The following KCNH5 variants were observed in gnomAD, a reference collection of about 807,000 sequenced individuals.
KCNH5 encodes the protein potassium voltage-gated channel subfamily H member 5.
Under a neutral mutation model 96.1 loss-of-function variants are expected in KCNH5, and 46 were observed. The observed-to-expected ratio is 0.48, with a 90% confidence interval of 0.38 to 0.61. The LOEUF (loss-of-function observed/expected upper bound fraction) is 0.61. Among genes scored for constraint, KCNH5 ranks in the 20% least tolerant of loss-of-function variants. The pLI is 0.00. For synonymous variants in KCNH5, 439 were observed against 449.8 expected, an observed-to-expected ratio of 0.98 and a Z score of 0.30; for missense variants, 907 against 1,225.8, an observed-to-expected ratio of 0.74 and a Z score of 3.88.
chr14:62,783,732 A>AT (rs1206490474), intron 9 of KCNH5, among the ~76,000 whole-genome samples: 2 of 152,242 alleles, frequency 1.3e-5, no homozygotes, highest in African/African-American at 2.4e-5. Flanking sequence ...AGCTATGGCA[A>AT]TTGTAAAAAT....
intron 10 of KCNH5, among the ~76,000 whole-genome samples, chr14:62,738,692 C>G (rs1885210188): frequency 6.6e-6 from 1 of 152,078 alleles, no homozygotes; most frequent in South Asian, 2.1e-4. Flanking sequence ...ATTCATCAAA[C>G]AGTTAAACAA....
intron 7 of KCNH5, among the ~76,000 whole-genome samples, chr14:62,912,025 G>A (rs1390949604): frequency 7.8e-6 from 1 of 128,812 alleles, no homozygotes; most frequent in African/African-American, 3.0e-5. Context: ...GTGACAGAGC[G>A]AGACTCCTAA....
chr14:62,945,630 G>T (rs1271599917), intron 7 of KCNH5, among the ~76,000 whole-genome samples: 1 of 152,138 alleles, frequency 6.6e-6, no homozygotes, highest in Non-Finnish European at 1.5e-5. Flanking sequence ...TAGGGACAAT[G>T]AAGGGAAAGG....
chr14:62,859,356 A>T (rs1595658626), intron 7 of KCNH5, among the ~76,000 whole-genome samples: 1 of 152,236 alleles, frequency 6.6e-6, no homozygotes, highest in South Asian at 2.1e-4. Flanking sequence ...CATCCCTGCC[A>T]CCATGGCCAC....
At chr14:62,878,345 A>T (rs1888425118) in intron 7 of KCNH5, among the ~76,000 whole-genome samples, 1 of 152,150 alleles carries the variant, frequency 6.6e-6, no homozygotes, top group South Asian at 2.1e-4. Context: ...CTTAAAGTAT[A>T]TTAATAATAA....
At chr14:62,893,095 C>T (rs1888744311) in intron 7 of KCNH5, among the ~76,000 whole-genome samples, 1 of 152,060 alleles carries the variant, frequency 6.6e-6, no homozygotes, top group Admixed American at 6.6e-5. Flanking sequence ...TAGATCTGGG[C>T]AAAGAAAATT....
In KCNH5 at chr14:62,779,762, C is replaced by T. The variant is rs1382406226; in HGVS notation, c.1985G>A (p.Arg662Lys). Residue 662 changes from arginine to lysine, a missense_variant, in exon 10 of 11, where the codon AGG becomes AAG. By Grantham distance (26) the Arg-to-Lys change is conservative. Around this residue, in one of 6 missense-constraint regions of KCNH5, gnomAD observed 57 missense variants for 76.0 expected, o/e 0.75. Coordinates refer to ENST00000322893, the MANE Select transcript of KCNH5 (RefSeq NM_139318.5). ...FYTAFANSFS[R>K]NLTLTCNLRK... ...CAGATTGCAAGTAAGAGTGAGATTC[C>T]TTGAGAAGGAGTTTGCAAAAGCTGT... The T allele has an allele frequency of 1.2e-6, 2 of 1,613,810 alleles. No individual in the cohort carries two copies. Among genetic ancestry groups the T allele is most frequent in the Non-Finnish European group, 1.7e-6 (2 of 1,179,872 alleles).
intron 2 of KCNH5, among the ~76,000 whole-genome samples, chr14:63,011,345 G>A (rs970011345): frequency 2.0e-5 from 3 of 151,954 alleles, no homozygotes; most frequent in Non-Finnish European, 2.9e-5. Flanking sequence ...AGGCATGGTG[G>A]CGGGTGCATG....
In KCNH5 at chr14:62,704,401, G is replaced by A. The variant is rs1884393012; in HGVS notation, c.*3107C>T. ...TCATATAGCTTTGGTATTGTCATCT[G>A]GCTTTTGTGTGCCTATTTGCTTTTT... On this transcript the variant is annotated 3_prime_UTR_variant, in exon 11 of 11. Transcript: ENST00000322893. The A allele has an allele frequency of 6.6e-6, 1 of 151,744 alleles. No homozygotes were observed. Among genetic ancestry groups the A allele is most frequent in the African/African-American group, 2.4e-5 (1 of 41,384 alleles). 9.4% of individuals were successfully genotyped at this position (151,744 alleles called of 1,614,324 possible). A position where few individuals can be genotyped will look rare whatever the true frequency, so the allele number is the denominator to read the frequency against.
At chr14:62,802,044 A>C (rs1886672533) in intron 9 of KCNH5, among the ~76,000 whole-genome samples, 1 of 152,110 alleles carries the variant, frequency 6.6e-6, no homozygotes, top group Non-Finnish European at 1.5e-5. Context: ...ACACTTACTA[A>C]CATGGAGCTA....
At chr14:62,926,688 T>C (rs1330720602) in intron 7 of KCNH5, among the ~76,000 whole-genome samples, 1 of 152,114 alleles carries the variant, frequency 6.6e-6, no homozygotes. Flanking sequence ...AGTCCTGTTG[T>C]CTCTCCCTCT....
intron 8 of KCNH5, among the ~76,000 whole-genome samples, chr14:62,827,213 A>G (rs964603490): frequency 1.3e-5 from 2 of 152,222 alleles, no homozygotes; most frequent in African/African-American, 4.8e-5. Flanking sequence ...AAATATATTC[A>G]GTGCTTACCA....
At position 62,714,399 on chromosome 14, in the gene KCNH5, T is replaced by G. The variant is rs115077053; in HGVS notation, c.2020-5944A>C. 8.0e-3 allele frequency among the ~76,000 whole-genome samples: 1,222 copies of G among 152,344 alleles called. 14 individuals are homozygous for G. Among genetic ancestry groups the G allele is most frequent in the Middle Eastern group, 0.037 (11 of 294 alleles). ...ATTGATGAATTTGATTTAGTTAAAC[T>G]CTTTAAAATGGTGTGTTTTTATTTA... On this transcript the variant is annotated intron_variant, in intron 10 of 10. Transcript: ENST00000322893.
At chr14:62,873,751 G>C (rs1010466496) in intron 7 of KCNH5, among the ~76,000 whole-genome samples, 1 of 152,108 alleles carries the variant, frequency 6.6e-6, no homozygotes, top group Non-Finnish European at 1.5e-5. Context: ...GGAACAAAGT[G>C]GTCTAGAAAT....
chr14:62,898,994 G>A (rs1473343546), intron 7 of KCNH5, among the ~76,000 whole-genome samples: 1 of 152,060 alleles, frequency 6.6e-6, no homozygotes, highest in Non-Finnish European at 1.5e-5. Flanking sequence ...CCACTGTAAA[G>A]GGAGATTTTG....
At chr14:62,882,100 TAAAAAA>T (rs143123435) in intron 7 of KCNH5, among the ~76,000 whole-genome samples, 4 of 76,654 alleles carry the variant, frequency 5.2e-5, no homozygotes, top group East Asian at 4.5e-4. Flanking sequence ...CCCCATTTCT[TAAAAAA>T]AAAAAAAAAA....
chr14:62,993,367 G>A (rs953097271), intron 4 of KCNH5, among the ~76,000 whole-genome samples: 1 of 151,888 alleles, frequency 6.6e-6, no homozygotes, highest in Non-Finnish European at 1.5e-5. Context: ...TTGGTATTTT[G>A]ATAAGAATGG....
chr14:62,899,676 CAA>C (rs371600088), intron 7 of KCNH5, among the ~76,000 whole-genome samples: 15,361 of 150,340 alleles, frequency 0.1, 1,028 homozygotes, highest in East Asian at 0.27. Context: ...ACTAAAAATA[CAA>C]AAAAAATTAG....
chr14:63,009,927 A>G (rs566722189), intron 2 of KCNH5, among the ~76,000 whole-genome samples: 12 of 152,316 alleles, frequency 7.9e-5, no homozygotes, highest in African/African-American at 2.9e-4. Flanking sequence ...TAGAAACCAT[A>G]TATAATAATT....
Sources: gnomAD v4.1 joint callset for allele counts (sites outside exome capture counted in the v4.1 genomes callset) on GRCh38, gnomAD v4.1.1 for gene constraint, gnomAD v4.1.1 regional missense constraint, MANE v1.5 for transcripts, NCBI Gene and HGNC (gene_info 2026-07-23, HGNC 2026-07-21) for gene names.